Variants in FAM222B observed in about 807,000 individuals in gnomAD.
FAM222B encodes the protein protein FAM222B.
FAM222B carries 12 observed loss-of-function variants against 38.0 expected under a neutral mutation model. The ratio of observed to expected loss-of-function variants is 0.32; its 90% CI spans 0.20 to 0.51. The LOEUF is 0.51. Ranked by LOEUF, FAM222B falls within the 20% of genes least tolerant of loss-of-function variation. The pLI is 0.97. For synonymous variants in FAM222B, 329 were observed against 317.2 expected, an observed-to-expected ratio of 1.04 and a Z score of -0.40; for missense variants, 716 against 754.2, an observed-to-expected ratio of 0.95 and a Z score of 0.59.
intron 2 of FAM222B, among the ~76,000 whole-genome samples, chr17:28,766,206 G>T (rs986738043): frequency 5.3e-5 from 8 of 152,028 alleles, no homozygotes; most frequent in African/African-American, 1.9e-4. Context: ...TGTAATCCCA[G>T]CACTTTGGGA....
At chr17:28,832,839 C>CAAAAAGAATCCTCCA in intron 1 of FAM222B, among the ~76,000 whole-genome samples, 1 of 151,818 alleles carries the variant, frequency 6.6e-6, no homozygotes, top group South Asian at 2.1e-4. Context: ...AAACAAGCTA[C>CAAAAAGAATCCTCCA]AAAAAGAATC....
intron 1 of FAM222B, among the ~76,000 whole-genome samples, chr17:28,827,298 C>A (rs991424683): frequency 6.6e-6 from 1 of 151,846 alleles, no homozygotes; most frequent in African/African-American, 2.4e-5. Flanking sequence ...TTAGAAGCTG[C>A]AGTGAGCTAT....
At chr17:28,770,414 A>T (rs1339760648) in intron 1 of FAM222B, among the ~76,000 whole-genome samples, 2 of 152,020 alleles carry the variant, frequency 1.3e-5, no homozygotes, top group African/African-American at 4.8e-5. Flanking sequence ...AGGTTCTATC[A>T]GTTTCCTTTT....
At chr17:28,768,634 C>A (rs978361562) in intron 1 of FAM222B, among the ~76,000 whole-genome samples, 3 of 151,700 alleles carry the variant, frequency 2.0e-5, no homozygotes, top group East Asian at 1.9e-4. Context: ...GTCAGGAGTT[C>A]GAGAACAGCG....
intron 1 of FAM222B, among the ~76,000 whole-genome samples, chr17:28,804,832 G>A (rs1166138591): frequency 1.3e-5 from 2 of 148,726 alleles, no homozygotes; most frequent in Non-Finnish European, 3.0e-5. Flanking sequence ...CACAAGGTCA[G>A]GATATCGAGA....
At chr17:28,853,059 G>T (rs886924523) in intron 1 of FAM222B, among the ~76,000 whole-genome samples, 5 of 152,086 alleles carry the variant, frequency 3.3e-5, no homozygotes, top group African/African-American at 4.8e-5. Context: ...CGGGCATGGT[G>T]GTGTATGCCT....
intron 1 of FAM222B, among the ~76,000 whole-genome samples, chr17:28,778,077 CTG>C (rs1181000132): frequency 1.4e-5 from 2 of 142,162 alleles, no homozygotes; most frequent in African/African-American, 5.3e-5. Context: ...TATTTGGCCT[CTG>C]TGTTTTTGCT....
chr17:28,819,303 G>C (rs1211755493), intron 1 of FAM222B, among the ~76,000 whole-genome samples: 13 of 152,012 alleles, frequency 8.6e-5, no homozygotes, highest in Non-Finnish European at 1.5e-4. Context: ...AATATACAAA[G>C]AACTCTTATA....
At chr17:28,770,330 T>C (rs2035564164) in intron 1 of FAM222B, among the ~76,000 whole-genome samples, 1 of 152,250 alleles carries the variant, frequency 6.6e-6, no homozygotes, top group African/African-American at 2.4e-5. Flanking sequence ...TGTCAATCTA[T>C]TAATGATGGC....
At chr17:28,789,200 CTT>C (rs796959212) in intron 1 of FAM222B, among the ~76,000 whole-genome samples, 17 of 139,614 alleles carry the variant, frequency 1.2e-4, no homozygotes, top group Admixed American at 1.5e-4. Context: ...ATTCTGTGTC[CTT>C]TTTTTTTTTT....
chr17:28,758,537 C>G lies in FAM222B; in HGVS notation c.1422G>C (p.Pro474=), dbSNP rs376696824. The G allele has an allele frequency of 6.2e-7, 1 of 1,610,662 alleles. No individual in the cohort carries two copies. Among genetic ancestry groups the G allele is most frequent in the Non-Finnish European group, 8.5e-7 (1 of 1,179,832 alleles). ...CACCTGTGGGCTGCCCACCGTGGAACGGCATGGCAAGGTCCTGAGACCCCG... is the reference window on the plus strand; with the variant it reads ...CACCTGTGGGCTGCCCACCGTGGAAGGGCATGGCAAGGTCCTGAGACCCCG... ...DSSGSQDLAM[P]FHGGQPTGAP... is the part of the protein sequence containing the mutation. Residue 474 remains proline (P), a synonymous_variant, in exon 3 of 3, where the codon CCG becomes CCC. Transcript: ENST00000581407.
intron 1 of FAM222B, among the ~76,000 whole-genome samples, chr17:28,835,038 G>C (rs1054965694): frequency 1.4e-5 from 2 of 147,538 alleles, no homozygotes; most frequent in East Asian, 2.0e-4. Flanking sequence ...GTGTGTGTGT[G>C]TGTGTGTGTG....
intron 1 of FAM222B, among the ~76,000 whole-genome samples, chr17:28,786,189 G>A (rs2036405350): frequency 6.6e-6 from 1 of 151,970 alleles, no homozygotes. Flanking sequence ...TAATGAATTG[G>A]AGGAATCACC....
intron 1 of FAM222B, among the ~76,000 whole-genome samples, chr17:28,797,237 C>A (rs1463683534): frequency 6.6e-6 from 1 of 151,994 alleles, no homozygotes; most frequent in Non-Finnish European, 1.5e-5. Context: ...CTCAACTGAT[C>A]TGCCCACCTC....
intron 1 of FAM222B, among the ~76,000 whole-genome samples, chr17:28,782,703 G>A (rs1458350474): frequency 8.5e-5 from 13 of 152,072 alleles, no homozygotes; most frequent in Admixed American, 7.9e-4. Flanking sequence ...AGCATTTGTG[G>A]GGATAAATTC....
At chr17:28,787,872 T>C (rs1170948239) in intron 1 of FAM222B, among the ~76,000 whole-genome samples, 2 of 147,098 alleles carry the variant, frequency 1.4e-5, no homozygotes, top group Non-Finnish European at 3.0e-5. Context: ...TGTTGCAGGC[T>C]GGAGTGCAAT....
chr17:28,813,502 T>C (rs982509601), intron 1 of FAM222B, among the ~76,000 whole-genome samples: 2 of 151,838 alleles, frequency 1.3e-5, no homozygotes, highest in African/African-American at 4.8e-5. Context: ...CAATGTTACT[T>C]TCCTGATTTT....
intron 2 of FAM222B, among the ~76,000 whole-genome samples, chr17:28,761,394 G>C (rs2035064570): frequency 6.6e-6 from 1 of 152,176 alleles, no homozygotes; most frequent in East Asian, 1.9e-4. Flanking sequence ...AAGTGGCTTG[G>C]CAGGAAGCCC....
At chr17:28,843,773 C>G (rs548187411), upstream of FAM222B, among the ~76,000 whole-genome samples, 4 of 152,014 alleles carry the variant, frequency 2.6e-5, no homozygotes, top group South Asian at 8.3e-4. Flanking sequence ...TCAAGATGAT[C>G]GTGTCTAGAA....
Sources: allele counts gnomAD v4.1 joint callset (sites outside exome capture counted in the v4.1 genomes callset), GRCh38; gene constraint gnomAD v4.1.1; transcripts MANE v1.5; gene names NCBI Gene and HGNC (gene_info 2026-07-23, HGNC 2026-07-21).